Variants in PGD observed in about 807,000 individuals in gnomAD.
PGD encodes the protein phosphogluconate dehydrogenase.
In PGD, 21 loss-of-function variants were observed where a neutral mutation model predicts 60.4. The observed-to-expected ratio is 0.35, with a 90% CI of 0.25 to 0.50. The LOEUF is 0.50. Ranked by LOEUF, PGD falls within the 20% of genes least tolerant of loss-of-function variation. PGD has a pLI of 0.98. For synonymous variants in PGD, 230 were observed against 235.9 expected (o/e 0.97, Z 0.23); for missense variants, 477 against 613.1 (o/e 0.78, Z 2.34).
intron 5 of PGD, among the ~76,000 whole-genome samples, chr1:10,406,022 T>C (rs936486713): frequency 2.0e-5 from 3 of 151,824 alleles, no homozygotes; most frequent in Non-Finnish European, 2.9e-5. Context: ...CCCAGCTAAT[T>C]TTTTGTATTT....
intron 8 of PGD, among the ~76,000 whole-genome samples, chr1:10,415,993 A>T (rs1309218881): frequency 6.6e-6 from 1 of 152,222 alleles, no homozygotes. Context: ...GTGACTTATC[A>T]ATGTAAAATC....
chr1:10,411,491 T>C lies in PGD; in HGVS notation c.593T>C (p.Ile198Thr). 1 of 1,614,124 alleles carries C rather than the reference T, an allele frequency of 6.2e-7. No homozygotes were observed. Among genetic ancestry groups the C allele is most frequent in the Non-Finnish European group, 8.5e-7 (1 of 1,180,000 alleles). The change falls in exon 7 of 13, where the codon ATC becomes ACC. Residue 198 changes from isoleucine to threonine, a missense_variant. Ile to Thr is a moderately conservative substitution (Grantham distance 89, BLOSUM62 -1). This residue lies in a region of PGD where 431 missense variants were observed against 556.6 expected (regional missense o/e 0.77). Transcript: ENST00000270776. ...ATAGAGTATGGGGACATGCAGCTGA[T>C]CTGTGAGGCATACCACCTGATGAAA... ...NGIEYGDMQL[I>T]CEAYHLMKDV...
At chr1:10,404,115 A>G in intron 4 of PGD, 46 bp from the exon 5 acceptor site, 1 of 1,324,870 alleles carries the variant, frequency 7.5e-7, no homozygotes, top group Non-Finnish European at 1.1e-6. Flanking sequence ...ACATGGAAGC[A>G]TAATGAAACA....
chr1:10,411,958 T>C (rs1157545513), intron 7 of PGD, among the ~76,000 whole-genome samples: 6 of 152,184 alleles, frequency 3.9e-5, no homozygotes, highest in Non-Finnish European at 1.5e-5. Flanking sequence ...TCCCCCAACA[T>C]TTTATTATGA....
chr1:10,414,558 G>T (rs1453748714), intron 8 of PGD, among the ~76,000 whole-genome samples: 1 of 151,824 alleles, frequency 6.6e-6, no homozygotes, highest in East Asian at 2.0e-4. Context: ...TGTGTTATTA[G>T]TGGAGACGGG....
At position 10,399,073 on chromosome 1, in the gene PGD, G is replaced by A. The variant is rs1157599764; in HGVS notation, c.-45G>A. On this transcript the variant is annotated 5_prime_UTR_variant, in exon 1 of 13. Transcript: ENST00000270776. ...GCCGCTGCGGGTCTTTCCCTCACTC[G>A]TCCTCCGCGCGTCGCCGCTCTTCGG... The A allele has an allele frequency of 1.2e-6, 2 of 1,608,252 alleles. No homozygotes were observed. Among genetic ancestry groups the A allele is most frequent in the East Asian group, 4.5e-5 (2 of 44,834 alleles).
chr1:10,415,074 G>A (rs749700970), intron 8 of PGD, among the ~76,000 whole-genome samples: 4 of 147,138 alleles, frequency 2.7e-5, no homozygotes, highest in Non-Finnish European at 6.0e-5. Context: ...CTGGGCGACC[G>A]AGCAAGACTC....
intron 5 of PGD, among the ~76,000 whole-genome samples, chr1:10,405,938 C>T (rs1374955535): frequency 1.3e-5 from 2 of 152,150 alleles, no homozygotes. Context: ...ACTGCAAGCC[C>T]CACCTGCCAG....
chr1:10,417,147 G>A (rs748920354), intron 9 of PGD, 30 bp downstream of exon 9: 9 of 1,612,922 alleles, frequency 5.6e-6, no homozygotes, highest in Non-Finnish European at 2.5e-6. Flanking sequence ...AGTGGTCTTT[G>A]TTGGTCCTGC....
intron 8 of PGD, among the ~76,000 whole-genome samples, chr1:10,413,460 G>A (rs1019117799): frequency 2.0e-5 from 3 of 152,132 alleles, no homozygotes; most frequent in Non-Finnish European, 2.9e-5. Flanking sequence ...TATCTCATTC[G>A]TACAAACTGT....
chr1:10,415,497 G>A (rs1386320111), intron 8 of PGD: 2 of 152,330 alleles, frequency 1.3e-5, no homozygotes, highest in East Asian at 1.9e-4. Flanking sequence ...CATTATTTGT[G>A]AACTAACAGG....
chr1:10,411,706 T>C (rs934037767), intron 7 of PGD, among the ~76,000 whole-genome samples, 154 bp downstream of exon 7: 1 of 152,180 alleles, frequency 6.6e-6, no homozygotes, highest in Non-Finnish European at 1.5e-5. Context: ...AATAGGCCTA[T>C]ACACTATGCT....
intron 10 of PGD, among the ~76,000 whole-genome samples, chr1:10,418,356 G>T (rs938223053): frequency 2.0e-5 from 3 of 152,148 alleles, no homozygotes; most frequent in Admixed American, 1.3e-4. Flanking sequence ...TTAAATGAGC[G>T]CTGGCAGCGA....
At chr1:10,399,375 G>T in intron 1 of PGD, 1 of 521,308 alleles carries the variant, frequency 1.9e-6, no homozygotes, top group Non-Finnish European at 3.3e-6. Flanking sequence ...GAGGAGGCGC[G>T]GCCAGGCCTC....
At chr1:10,414,749 G>C (rs1364617781) in intron 8 of PGD, among the ~76,000 whole-genome samples, 1 of 151,876 alleles carries the variant, frequency 6.6e-6, no homozygotes, top group Non-Finnish European at 1.5e-5. Flanking sequence ...TGCCTCTCGT[G>C]GTTAATGAGA....
chr1:10,408,329 A>G (rs1212152878), intron 6 of PGD, among the ~76,000 whole-genome samples, 189 bp downstream of exon 6: 2 of 152,196 alleles, frequency 1.3e-5, no homozygotes, highest in Admixed American at 1.3e-4. Context: ...ATCTTAGCTG[A>G]CTGTTCATAG....
At chr1:10,401,768 C>T (rs1639319592) in intron 3 of PGD, among the ~76,000 whole-genome samples, 1 of 152,108 alleles carries the variant, frequency 6.6e-6, no homozygotes, top group South Asian at 2.1e-4. Context: ...GTAATCCCAG[C>T]ACTTTGGGAG....
At chr1:10,412,292 G>A (rs1569985890) in intron 7 of PGD, among the ~76,000 whole-genome samples, 1 of 152,180 alleles carries the variant, frequency 6.6e-6, no homozygotes, top group Non-Finnish European at 1.5e-5. Flanking sequence ...TTGCTGATGC[G>A]CTTTCTAGTC....
chr1:10,403,378 T>TC (rs1639347827), intron 4 of PGD, among the ~76,000 whole-genome samples: 1 of 151,270 alleles, frequency 6.6e-6, no homozygotes, highest in African/African-American at 2.4e-5. Flanking sequence ...GACCAAGAGG[T>TC]CAAGAGATCA....
Sources: allele counts gnomAD v4.1 joint callset (sites outside exome capture counted in the v4.1 genomes callset), GRCh38; gene constraint gnomAD v4.1.1; regional missense constraint gnomAD v4.1.1; transcripts MANE v1.5; gene names NCBI Gene and HGNC (gene_info 2026-07-23, HGNC 2026-07-21).